Variants in PHACTR1 observed in about 807,000 individuals in gnomAD.
PHACTR1 encodes the protein phosphatase and actin regulator 1.
Under a neutral mutation model 69.2 loss-of-function variants are expected in PHACTR1, and 16 were observed. The ratio of observed to expected loss-of-function variants is 0.23; its 90% CI spans 0.16 to 0.35. The LOEUF is 0.35. Among genes scored for constraint, PHACTR1 ranks in the 10% least tolerant of loss-of-function variants. The pLI is 1.00. For missense variants in PHACTR1, 510 were observed against 734.7 expected (o/e 0.69, Z 3.54); for synonymous variants, 312 against 284.5 (o/e 1.10, Z -0.97).
chr6:12,826,452 A>G (rs1255813194), intron 4 of PHACTR1, among the ~76,000 whole-genome samples: 1 of 152,184 alleles, frequency 6.6e-6, no homozygotes, highest in Non-Finnish European at 1.5e-5. Flanking sequence ...CCCTACTTCA[A>G]CTTGTAGAAC....
At chr6:13,187,177 G>A (rs72823032) in intron 7 of PHACTR1, among the ~76,000 whole-genome samples, 5 of 152,160 alleles carry the variant, frequency 3.3e-5, no homozygotes, top group South Asian at 2.1e-4. Flanking sequence ...TGTGCAGCCC[G>A]GTTCCTAATA....
At chr6:12,752,489 T>A (rs1766744261) in intron 4 of PHACTR1, among the ~76,000 whole-genome samples, 1 of 152,244 alleles carries the variant, frequency 6.6e-6, no homozygotes, top group Non-Finnish European at 1.5e-5. Flanking sequence ...AAATTTTTTA[T>A]TGGCTTAAAC....
chr6:13,281,154 ACT>A lies in PHACTR1; in HGVS notation c.1510-2265_1510-2264del, dbSNP rs554372811. ...ATGCTTAGTCTTCGGTTCACTCCAG[ACT>A]CTGCCATAGATAGGACATTAGTAAA... On this transcript the variant is annotated intron_variant, in intron 12 of 14. Transcript: ENST00000332995. 141 of 1,279,328 alleles carry A rather than the reference ACT, an allele frequency of 1.1e-4. 1 individual carries two copies. The African/African-American group carries it at 1.7e-3, about 16-fold the overall frequency. The allele number at this position is 1,279,328 out of a possible 1,614,324, so 79.2% of individuals were successfully genotyped here.
intron 3 of PHACTR1, among the ~76,000 whole-genome samples, chr6:12,746,599 T>C (rs1765812839): frequency 6.6e-6 from 1 of 152,220 alleles, no homozygotes; most frequent in African/African-American, 2.4e-5. Flanking sequence ...TGTCAAAAGT[T>C]TAGCTATCTG....
At chr6:13,277,822 CAT>C (rs1422036425) in intron 11 of PHACTR1, among the ~76,000 whole-genome samples, 2 of 151,950 alleles carry the variant, frequency 1.3e-5, no homozygotes, top group Non-Finnish European at 2.9e-5. Flanking sequence ...TGGTGGCGTG[CAT>C]GTGTAGTCCT....
intron 4 of PHACTR1, among the ~76,000 whole-genome samples, chr6:13,045,006 G>A (rs774204117): frequency 2.0e-5 from 3 of 152,082 alleles, no homozygotes; most frequent in South Asian, 4.1e-4. Context: ...TTTATAATTG[G>A]CATCTGTTTT....
intron 4 of PHACTR1, among the ~76,000 whole-genome samples, chr6:12,831,457 A>C (rs1017170577): frequency 6.6e-6 from 1 of 152,210 alleles, no homozygotes; most frequent in Non-Finnish European, 1.5e-5. Flanking sequence ...AGAAAATGTC[A>C]TCTATTATTT....
intron 4 of PHACTR1, among the ~76,000 whole-genome samples, chr6:12,825,750 A>G (rs1390737828): frequency 6.6e-6 from 1 of 152,040 alleles, no homozygotes; most frequent in East Asian, 1.9e-4. Flanking sequence ...TTCCTTCACC[A>G]TCAGTTCCTC....
chr6:12,909,679 A>G (rs1457353903), intron 4 of PHACTR1, among the ~76,000 whole-genome samples: 1 of 152,204 alleles, frequency 6.6e-6, no homozygotes, highest in Non-Finnish European at 1.5e-5. Context: ...CCAGTGTAGT[A>G]CAGTTGCCAA....
intron 6 of PHACTR1, among the ~76,000 whole-genome samples, chr6:13,169,105 TGG>T (rs761361651): frequency 2.0e-5 from 3 of 151,994 alleles, no homozygotes; most frequent in Non-Finnish European, 4.4e-5. Context: ...GAGGACAGAC[TGG>T]AGAGTTCTAG....
chr6:13,059,458 T>TCACACACACACACA (rs57652223), intron 5 of PHACTR1, among the ~76,000 whole-genome samples: 12 of 148,248 alleles, frequency 8.1e-5, no homozygotes, highest in Admixed American at 4.0e-4. Flanking sequence ...AATGTTCTTA[T>TCACACACACACACA]CACACACACA....
chr6:12,754,897 G>C (rs1767111913), intron 4 of PHACTR1, among the ~76,000 whole-genome samples: 1 of 152,192 alleles, frequency 6.6e-6, no homozygotes, highest in Non-Finnish European at 1.5e-5. Context: ...ATGTGCTTAG[G>C]TTATATGCAA....
intron 6 of PHACTR1, among the ~76,000 whole-genome samples, chr6:13,181,886 T>A (rs1762218197): frequency 6.6e-6 from 1 of 152,200 alleles, no homozygotes; most frequent in South Asian, 2.1e-4. Context: ...TTTTCCCAAG[T>A]TTTTAGAAAT....
In PHACTR1 at chr6:13,246,423, T is replaced by C. The variant is rs974710828; in HGVS notation, c.1391+16230T>C. Among the ~76,000 whole-genome samples, 4 of 152,226 alleles carry C rather than the reference T, an allele frequency of 2.6e-5. No homozygotes were observed. The highest frequency in any genetic ancestry group is 9.6e-5 in the African/African-American group (4 of 41,458). Reference sequence around the variant, plus strand: ...GATGTTTCCCTACCTGGATGGCTGATGGTTCATTACAGCTGAGCAAAGTCT... The same window carrying C: ...GATGTTTCCCTACCTGGATGGCTGACGGTTCATTACAGCTGAGCAAAGTCT... On this transcript the variant is annotated intron_variant, in intron 10 of 14. Transcript: ENST00000332995. The surrounding 1 kb of genome is among the most constrained non-coding windows in gnomAD (Gnocchi z 4.2).
intron 5 of PHACTR1, among the ~76,000 whole-genome samples, chr6:13,075,993 T>C (rs1364519319): frequency 6.6e-6 from 1 of 151,078 alleles, no homozygotes; most frequent in Non-Finnish European, 1.5e-5. Context: ...TTCTTAGCAA[T>C]GAATTATTTG....
At position 13,283,601 on chromosome 6, in the gene PHACTR1, C is replaced by T. The variant is rs778529300; in HGVS notation, c.1650+39C>T. ...AGTGCTGGAGAGTGGGAGGCAGGAC[C>T]GTCTGCTGGGTCTCGCTGGGCTCAC... On this transcript the variant is annotated intron_variant, in intron 13 of 14. Coordinates refer to ENST00000332995, the MANE Select transcript of PHACTR1 (RefSeq NM_030948.6). The surrounding 1 kb of genome is among the most constrained non-coding windows in gnomAD (Gnocchi z 4.7). 33 of 1,613,216 alleles carry T rather than the reference C, an allele frequency of 2.0e-5. No individual in the cohort carries two copies. The highest frequency in any genetic ancestry group is 1.7e-4 in the Middle Eastern group (1 of 6,038).
At chr6:12,891,316 T>TA (rs1296466522) in intron 4 of PHACTR1, among the ~76,000 whole-genome samples, 1 of 152,178 alleles carries the variant, frequency 6.6e-6, no homozygotes, top group African/African-American at 2.4e-5. Context: ...TGATGTAGTT[T>TA]AATCCATATC....
At chr6:13,069,055 G>T (rs963847668) in intron 5 of PHACTR1, among the ~76,000 whole-genome samples, 1 of 152,082 alleles carries the variant, frequency 6.6e-6, no homozygotes, top group African/African-American at 2.4e-5. Flanking sequence ...AGATGTGCAG[G>T]CCCCGAGGCC....
intron 13 of PHACTR1, among the ~76,000 whole-genome samples, chr6:13,284,579 T>TAC (rs1491138235): frequency 4.2e-5 from 3 of 71,150 alleles, no homozygotes; most frequent in Non-Finnish European, 6.9e-5. Context: ...TAGATACACG[T>TAC]ATATATATAT....
Sources: allele counts gnomAD v4.1 joint callset (sites outside exome capture counted in the v4.1 genomes callset), GRCh38; gene constraint gnomAD v4.1.1; non-coding constraint Gnocchi (gnomAD v3.1); transcripts MANE v1.5; gene names NCBI Gene and HGNC (gene_info 2026-07-23, HGNC 2026-07-21).